Variants in POTEC observed in about 807,000 individuals in gnomAD.
POTEC encodes POTE ankyrin domain family member C, also known as ANKRD26-like family B member 2.
POTEC carries 35 observed loss-of-function variants against 62.0 expected under a neutral mutation model. That is an observed-to-expected ratio of 0.56 (90% confidence interval 0.43 to 0.75). The LOEUF (loss-of-function observed/expected upper bound fraction) is 0.75. Among genes scored for constraint, POTEC ranks in the 30% least tolerant of loss-of-function variants. The pLI, the probability that POTEC is intolerant of heterozygous loss-of-function variation, is 0.00. For missense variants in POTEC, 472 were observed against 655.9 expected, an observed-to-expected ratio of 0.72 and a Z score of 3.06; for synonymous variants, 156 against 221.5, an observed-to-expected ratio of 0.70 and a Z score of 2.62.
chr18:14,521,736 C>A (rs1243889591), intron 9 of POTEC, among the ~76,000 whole-genome samples: 6 of 152,124 alleles, frequency 3.9e-5, no homozygotes, highest in Non-Finnish European at 8.8e-5. Flanking sequence ...TTATCCTAAG[C>A]AAACTAATGC....
In POTEC at chr18:14,543,002, G is replaced by T; in HGVS notation, c.145C>A (p.His49Asn). 6.2e-7 allele frequency: 1 copy of T among 1,607,028 alleles called. No homozygotes were observed. The highest frequency in any genetic ancestry group is 8.5e-7 in the Non-Finnish European group (1 of 1,177,388). ...AGCATCTTCATAAAGGAGTCGTCGT[G>T]GTCTCCAGAAGTGCCCATGTTGCTC... ...GKSNMGTSGD[H>N]DDSFMKMLRS... is the part of the protein sequence containing the mutation. Residue 49 changes from histidine (H) to asparagine (N), a missense_variant, in exon 1 of 11, where the codon CAC (histidine) becomes AAC (asparagine). Physicochemically the swap from His to Asn is moderately conservative, Grantham distance 68 (BLOSUM62 1). Around this residue, in one of 5 missense-constraint regions of POTEC, gnomAD observed 257 missense variants for 250.7 expected, o/e 1.03. Coordinates refer to ENST00000358970, the MANE Select transcript of POTEC (RefSeq NM_001137671.2).
chr18:14,518,798 C>A (rs965003834), intron 9 of POTEC, among the ~76,000 whole-genome samples: 6 of 147,932 alleles, frequency 4.1e-5, no homozygotes, highest in African/African-American at 1.5e-4. Flanking sequence ...TGCCTGGCAT[C>A]TTTAAGCACT....
chr18:14,509,416 C>G lies in POTEC; in HGVS notation c.*2482G>C, dbSNP rs1038496893. The G allele has an allele frequency of 7.9e-5, 12 of 151,678 alleles. No homozygotes were observed. The highest frequency in any genetic ancestry group is 1.5e-4 in the Non-Finnish European group (10 of 67,924). 9.4% of individuals were successfully genotyped at this position (151,678 alleles called of 1,614,324 possible). On this transcript the variant is annotated 3_prime_UTR_variant, in exon 11 of 11. Coordinates refer to ENST00000358970, the MANE Select transcript of POTEC (RefSeq NM_001137671.2). Reference sequence around the variant, plus strand: ...GTGGGGTTTTTGGTTCTGTGCCCACCATGGCTTCATCTTCAGTGGCAGTTG... The same window carrying G: ...GTGGGGTTTTTGGTTCTGTGCCCACGATGGCTTCATCTTCAGTGGCAGTTG...
intron 9 of POTEC, among the ~76,000 whole-genome samples, chr18:14,517,125 T>C (rs1464206009): frequency 6.7e-6 from 1 of 149,848 alleles, no homozygotes; most frequent in African/African-American, 2.5e-5. Context: ...TGAGAGCTGT[T>C]ATTAACCAAT....
chr18:14,531,978 G>A (rs1384930645), intron 5 of POTEC, among the ~76,000 whole-genome samples: 2 of 151,150 alleles, frequency 1.3e-5, no homozygotes, highest in African/African-American at 4.9e-5. Flanking sequence ...TCATTATCAT[G>A]TAAATCAGAT....
chr18:14,526,128 G>C (rs1365811978), intron 6 of POTEC, among the ~76,000 whole-genome samples: 1 of 151,844 alleles, frequency 6.6e-6, no homozygotes, highest in African/African-American at 2.4e-5. Context: ...CTGATCTTTT[G>C]ACCTTGTGAT....
chr18:14,538,458 T>C (rs1191601891), intron 1 of POTEC, among the ~76,000 whole-genome samples: 1 of 152,234 alleles, frequency 6.6e-6, no homozygotes, highest in Admixed American at 6.5e-5. Flanking sequence ...GCACAGCTCT[T>C]GGATGACATT....
intron 9 of POTEC, among the ~76,000 whole-genome samples, chr18:14,519,508 G>A (rs913377799): frequency 9.2e-5 from 14 of 152,128 alleles, no homozygotes; most frequent in African/African-American, 3.1e-4. Context: ...CCTGAGGTCA[G>A]GAGTTTGAAA....
intron 6 of POTEC, among the ~76,000 whole-genome samples, chr18:14,528,389 G>C (rs1910494272): frequency 6.6e-6 from 1 of 152,116 alleles, no homozygotes; most frequent in African/African-American, 2.4e-5. Flanking sequence ...AAAGAGAAAT[G>C]TTTATTCTAA....
intron 9 of POTEC, among the ~76,000 whole-genome samples, chr18:14,518,797 T>A (rs910357046): frequency 4.1e-5 from 6 of 147,774 alleles, no homozygotes; most frequent in African/African-American, 1.5e-4. Flanking sequence ...GTGCCTGGCA[T>A]CTTTAAGCAC....
chr18:14,511,972 C>A lies in POTEC; in HGVS notation c.1555G>T (p.Glu519Ter), dbSNP rs754863706. The A allele has an allele frequency of 1.9e-6, 3 of 1,613,408 alleles. No homozygotes were observed. The highest frequency in any genetic ancestry group is 2.7e-5 in the African/African-American group (2 of 74,872). Residue 519 changes from glutamate (E) to a stop codon, truncating the protein, a stop_gained, in exon 11 of 11, where the codon GAA (glutamate) becomes TAA (stop). Transcript: ENST00000358970. LOFTEE classifies it high-confidence loss of function. ...CTGTTTTCACGCAAGAGATCTTCTT[C>A]TTTCTTATGACTAAGAGAAAGCTAA... Reference protein sequence around the residue: ...NSELSLSHKKEEDLLRENSML... With the variant: ...NSELSLSHKK
In POTEC at chr18:14,525,500, C is replaced by A. The variant is rs1323838951; in HGVS notation, c.1127-517G>T. Among the ~76,000 whole-genome samples, 7 of 151,910 alleles carry A rather than the reference C, an allele frequency of 4.6e-5. No homozygotes were observed. The East Asian group carries it at 1.2e-3, about 25-fold the overall frequency. On this transcript the variant is annotated intron_variant, in intron 6 of 10. Transcript: ENST00000358970. ...AAATTCCTTTACCATCTCCCCTCCC[C>A]CTCAGCATTTATTCATAGCTATTTT...
chr18:14,527,625 C>A (rs1240973617), intron 6 of POTEC, among the ~76,000 whole-genome samples: 2 of 152,014 alleles, frequency 1.3e-5, no homozygotes, highest in African/African-American at 4.8e-5. Context: ...ATCACTAAAT[C>A]ATATTGACTA....
At chr18:14,517,335 C>T (rs1264627232) in intron 9 of POTEC, among the ~76,000 whole-genome samples, 1 of 152,122 alleles carries the variant, frequency 6.6e-6, no homozygotes, top group Non-Finnish European at 1.5e-5. Context: ...AATCAATGAC[C>T]ACTGCTCTTG....
rs775617758 is a variant in POTEC at position 14,542,922 on chromosome 18, G to A, written c.225C>T (p.Ser75=). The change falls in exon 1 of 11, where the codon AGC becomes AGT. Residue 75 remains serine (S), a synonymous_variant. Coordinates refer to ENST00000358970, the MANE Select transcript of POTEC (RefSeq NM_001137671.2). ...CAGAAGTGCCCACGTTGCTCGTGCC[G>A]CTCCCCCTGCAGCAGGGGAAGCAGT... ...CHHCFPCCRG[S]GTSNVGTSGD... 7.2e-6 allele frequency: 11 copies of A among 1,524,290 alleles called. No homozygotes were observed. The Admixed American group carries it at 9.7e-5, about 13-fold the overall frequency. 94.4% of individuals were successfully genotyped at this position (1,524,290 alleles called of 1,614,324 possible). A position where few individuals can be genotyped will look rare whatever the true frequency, so the allele number is the denominator to read the frequency against.
At chr18:14,540,595 G>C (rs1905899406) in intron 1 of POTEC, among the ~76,000 whole-genome samples, 1 of 152,034 alleles carries the variant, frequency 6.6e-6, no homozygotes, top group South Asian at 2.1e-4. Flanking sequence ...TCCATCCTAT[G>C]GATGCACTAA....
rs541329448 is a variant in POTEC at position 14,540,185 on chromosome 18, A to G, written c.522-1936T>C. Among the ~76,000 whole-genome samples the G allele has an allele frequency of 1.1e-4, 16 of 152,258 alleles. No individual in the cohort carries two copies. The East Asian group carries it at 2.7e-3, about 26-fold the overall frequency. On this transcript the variant is annotated intron_variant, in intron 1 of 10. Transcript: ENST00000358970. Reference sequence around the variant, plus strand: ...TACAATAAAATCTACCAGAAGAGGTAAACAGAAGCCCTCTACTTCTGAAGA... The same window carrying G: ...TACAATAAAATCTACCAGAAGAGGTGAACAGAAGCCCTCTACTTCTGAAGA...
At chr18:14,513,817 G>A (rs1362476783) in intron 9 of POTEC, 32 bp from the exon 10 acceptor site, 1 of 1,604,384 alleles carries the variant, frequency 6.2e-7, no homozygotes, top group Non-Finnish European at 8.5e-7. Flanking sequence ...ATGAAATACT[G>A]GAGGTGTCCC....
chr18:14,542,327 T>A (rs1287027782), intron 1 of POTEC, among the ~76,000 whole-genome samples: 1 of 152,234 alleles, frequency 6.6e-6, no homozygotes, highest in Non-Finnish European at 1.5e-5. Flanking sequence ...AACATTGTTT[T>A]AAAATGTGTA....
Sources: allele counts gnomAD v4.1 joint callset (sites outside exome capture counted in the v4.1 genomes callset), GRCh38; gene constraint gnomAD v4.1.1; regional missense constraint gnomAD v4.1.1; transcripts MANE v1.5; gene names NCBI Gene and HGNC (gene_info 2026-07-23, HGNC 2026-07-21).